TRIM37: variants seen among roughly 807,000 people sequenced by gnomAD.
The protein encoded by TRIM37 is E3 ubiquitin-protein ligase TRIM37.
TRIM37 carries 80 observed loss-of-function variants against 129.8 expected under a neutral mutation model. The ratio of observed to expected loss-of-function variants is 0.62; its 90% CI spans 0.51 to 0.74. TRIM37 has a LOEUF of 0.74. TRIM37 is among the 30% of genes least tolerant of loss of function. The pLI, the probability that TRIM37 is intolerant of heterozygous loss-of-function variation, is 0.00. For synonymous variants in TRIM37, 389 were observed against 387.1 expected, an observed-to-expected ratio of 1.00 and a Z score of -0.06; for missense variants, 1,054 against 1,176.5, an observed-to-expected ratio of 0.90 and a Z score of 1.52.
chr17:58,996,017 A>G (rs2032953708), downstream of TRIM37, among the ~76,000 whole-genome samples: 1 of 152,044 alleles, frequency 6.6e-6, no homozygotes, highest in African/African-American at 2.4e-5. Context: ...AAAAATAATA[A>G]TAATAATTAA....
At chr17:58,985,463 G>A (rs1439689126) in intron 24 of TRIM37, among the ~76,000 whole-genome samples, 1 of 152,164 alleles carries the variant, frequency 6.6e-6, no homozygotes. Context: ...AGGACTAAGC[G>A]GTGGTCATCA....
intron 22 of TRIM37, among the ~76,000 whole-genome samples, chr17:59,011,162 C>G (rs1346645036): frequency 6.6e-6 from 1 of 151,698 alleles, no homozygotes; most frequent in Non-Finnish European, 1.5e-5. Context: ...GAGCTAGACT[C>G]CGTCTCGGGG....
the TRIM37 span, among the ~76,000 whole-genome samples, chr17:58,973,644 A>T: frequency 4.0e-5 from 6 of 151,346 alleles, no homozygotes; most frequent in Non-Finnish European, 5.9e-5. Flanking sequence ...TTCATCTCTT[A>T]AAAAAACAAA....
chr17:59,042,582 G>A (rs2039369997), intron 16 of TRIM37, among the ~76,000 whole-genome samples: 1 of 150,612 alleles, frequency 6.6e-6, no homozygotes, highest in Non-Finnish European at 1.5e-5. Context: ...GGCCAACATG[G>A]CAAAACCCTG....
intron 24 of TRIM37, among the ~76,000 whole-genome samples, chr17:58,989,348 A>T (rs868040635): frequency 1.3e-5 from 2 of 152,138 alleles, no homozygotes; most frequent in East Asian, 3.8e-4. Context: ...AGGCAGGAGA[A>T]TCGCTTGAAC....
At chr17:59,053,240 A>G (rs2040519948) in intron 13 of TRIM37, among the ~76,000 whole-genome samples, 1 of 152,248 alleles carries the variant, frequency 6.6e-6, no homozygotes, top group Non-Finnish European at 1.5e-5. Context: ...TGTTTTAATG[A>G]AAGAATGAAA....
rs540529631 is a variant in TRIM37 at position 59,089,447 on chromosome 17, C to T, written c.165-1040G>A. ...CACAAGGTCAGGAGATCAAGACCAT[C>T]CTGGCCAACATGGTGAAACGCTGTC... On this transcript the variant is annotated intron_variant, in intron 3 of 23. Transcript: ENST00000262294. Among the ~76,000 whole-genome samples the T allele has an allele frequency of 2.6e-5, 4 of 152,228 alleles. No homozygotes were observed. In the South Asian group the frequency reaches 8.3e-4, roughly 32 times the overall value.
chr17:59,047,915 A>G (rs1241787982), intron 15 of TRIM37, 96 bp from the exon 16 acceptor site: 1 of 1,470,348 alleles, frequency 6.8e-7, no homozygotes, highest in Non-Finnish European at 9.4e-7. Flanking sequence ...AAAGAATAAT[A>G]CAGTTTTCAA....
chr17:59,068,082 T>C (rs1049384677), intron 9 of TRIM37, among the ~76,000 whole-genome samples: 6 of 152,212 alleles, frequency 3.9e-5, no homozygotes, highest in Admixed American at 6.5e-5. Flanking sequence ...TTCCTGTATG[T>C]TGCAACTAAT....
rs778924773 is a variant in TRIM37 at position 59,012,425 on chromosome 17, A to T, written c.2598T>A (p.His866Gln). 6 of 1,610,340 alleles carry T rather than the reference A, an allele frequency of 3.7e-6. No individual in the cohort carries two copies. The Admixed American group carries it at 5.0e-5, about 13-fold the overall frequency. Residue 866 changes from histidine (H) to glutamine (Q), a missense_variant, in exon 22 of 24, where the codon CAT becomes CAA. Physicochemically the swap from His to Gln is conservative, Grantham distance 24. Around this residue, in one of 3 missense-constraint regions of TRIM37, gnomAD observed 287 missense variants for 274.3 expected, o/e 1.05. Coordinates refer to ENST00000262294, the MANE Select transcript of TRIM37 (RefSeq NM_015294.6). ...VTLGANAKGG[H>Q]LEGLQMTDLE... ...AATCAGTCATCTGCAGTCCTTCCAG[A>T]TGACCTCCTTTAGCATTAGCCCTCA...
chr17:59,036,869 T>C (rs1344577877), intron 17 of TRIM37, among the ~76,000 whole-genome samples: 2 of 151,938 alleles, frequency 1.3e-5, no homozygotes, highest in African/African-American at 4.8e-5. Context: ...TCCCAGCACT[T>C]TGGGAGGCTG....
intron 19 of TRIM37, among the ~76,000 whole-genome samples, chr17:59,018,772 A>T (rs1480881404): frequency 6.6e-6 from 1 of 152,060 alleles, no homozygotes; most frequent in Non-Finnish European, 1.5e-5. Context: ...ATCCATTTGA[A>T]AATGTAAGAG....
In TRIM37 at chr17:59,047,304, ACTATT is replaced by A. The variant is rs1203683988; in HGVS notation, c.1667+374_1667+378del. Among the ~76,000 whole-genome samples, 61 of 152,232 alleles carry A rather than the reference ACTATT, an allele frequency of 4.0e-4. 1 individual carries two copies. Among genetic ancestry groups the A allele is most frequent in the Non-Finnish European group, 1.6e-4 (11 of 68,040 alleles). ...CAATGTTAATTTCCAGATTTTGATA[ACTATT>A]CTATAGTTATGTAAGAATATCCTTG... On this transcript the variant is annotated intron_variant, in intron 16 of 23. Transcript: ENST00000262294.
chr17:59,000,948 A>G (rs2033644864), intron 23 of TRIM37, among the ~76,000 whole-genome samples: 1 of 152,090 alleles, frequency 6.6e-6, no homozygotes, highest in African/African-American at 2.4e-5. Context: ...TAATACCAGG[A>G]CTTTGGGAGG....
At chr17:59,007,581 C>A (rs921064362) in intron 22 of TRIM37, among the ~76,000 whole-genome samples, 3 of 151,974 alleles carry the variant, frequency 2.0e-5, no homozygotes, top group Admixed American at 2.0e-4. Flanking sequence ...GAGAGCAAAG[C>A]CTTTAGTTTT....
intron 22 of TRIM37, among the ~76,000 whole-genome samples, chr17:59,007,341 A>G (rs2034676504): frequency 1.3e-5 from 2 of 150,920 alleles, no homozygotes; most frequent in South Asian, 4.2e-4. Context: ...AATGTAAAAG[A>G]GTTAATTTTC....
intron 24 of TRIM37, among the ~76,000 whole-genome samples, chr17:58,992,268 AATATATAT>A (rs1454919085): frequency 7.0e-6 from 1 of 143,502 alleles, no homozygotes; most frequent in Non-Finnish European, 1.5e-5. Flanking sequence ...TATAAATATA[AATATATAT>A]ATATTTATAT....
intron 12 of TRIM37, among the ~76,000 whole-genome samples, chr17:59,059,021 A>G (rs879826637): frequency 6.6e-6 from 1 of 152,212 alleles, no homozygotes; most frequent in Non-Finnish European, 1.5e-5. Context: ...AACCTACCAA[A>G]TGGGAGAAAC....
chr17:59,003,606 A>G (rs1033450173), intron 22 of TRIM37, among the ~76,000 whole-genome samples: 2 of 151,736 alleles, frequency 1.3e-5, no homozygotes, highest in African/African-American at 4.8e-5. Flanking sequence ...TTTGAATGAC[A>G]GCAAAACTGG....
Sources: allele counts gnomAD v4.1 joint callset (sites outside exome capture counted in the v4.1 genomes callset), GRCh38; gene constraint gnomAD v4.1.1; regional missense constraint gnomAD v4.1.1; transcripts MANE v1.5; gene names NCBI Gene and HGNC (gene_info 2026-07-23, HGNC 2026-07-21).